DSCAML1: variants seen among roughly 807,000 people sequenced by gnomAD.
The protein encoded by DSCAML1 is cell adhesion molecule DSCAML1.
In DSCAML1, 38 loss-of-function variants were observed where a neutral mutation model predicts 200.5. The observed-to-expected ratio is 0.19, with a 90% confidence interval of 0.15 to 0.25. DSCAML1 has a LOEUF of 0.25. DSCAML1 is among the 10% of genes least tolerant of loss of function. The pLI is 1.00. For missense variants in DSCAML1, 2,223 were observed against 2,858.8 expected, an observed-to-expected ratio of 0.78 and a Z score of 5.07; for synonymous variants, 1,215 against 1,165.0, an observed-to-expected ratio of 1.04 and a Z score of -0.87.
At chr11:117,796,754 C>T (rs1306247709) in intron 1 of DSCAML1, among the ~76,000 whole-genome samples, 1 of 152,214 alleles carries the variant, frequency 6.6e-6, no homozygotes, top group African/African-American at 2.4e-5. Context: ...GGCAGAACTG[C>T]CGCCGTGCAG....
chr11:117,644,371 CT>C (rs1694322198), intron 3 of DSCAML1, among the ~76,000 whole-genome samples: 1 of 152,278 alleles, frequency 6.6e-6, no homozygotes, highest in Non-Finnish European at 1.5e-5. Context: ...GCTGTGCTCA[CT>C]TTTCCTGAGA....
At chr11:117,579,049 G>C (rs1242856473) in intron 3 of DSCAML1, among the ~76,000 whole-genome samples, 1 of 152,144 alleles carries the variant, frequency 6.6e-6, no homozygotes, top group African/African-American at 2.4e-5. Flanking sequence ...TTATCAGCAA[G>C]TCTTGTTGGC....
At chr11:117,751,045 G>C (rs1565262543) in intron 3 of DSCAML1, among the ~76,000 whole-genome samples, 1 of 152,114 alleles carries the variant, frequency 6.6e-6, no homozygotes, top group African/African-American at 2.4e-5. Context: ...GTTTCCATTG[G>C]GGGGCAGCCA....
intron 3 of DSCAML1, among the ~76,000 whole-genome samples, chr11:117,559,906 T>G (rs1279125704): frequency 4.0e-5 from 6 of 149,820 alleles, no homozygotes; most frequent in Non-Finnish European, 7.4e-5. Context: ...GGGCCTAGAG[T>G]TGGGGGGAGG....
intron 11 of DSCAML1, among the ~76,000 whole-genome samples, chr11:117,497,715 G>A (rs766175741): frequency 2.6e-5 from 4 of 152,254 alleles, no homozygotes; most frequent in Non-Finnish European, 4.4e-5. Flanking sequence ...GGGCCAGGGT[G>A]GGGCCCTTTC....
At chr11:117,802,676 A>C (rs1463656398) in intron 1 of DSCAML1, among the ~76,000 whole-genome samples, 3 of 152,104 alleles carry the variant, frequency 2.0e-5, no homozygotes, top group Non-Finnish European at 4.4e-5. Flanking sequence ...CCTAAAACCA[A>C]AGAAGTCTCA....
chr11:117,810,402 C>T (rs968830379), intron 1 of DSCAML1, among the ~76,000 whole-genome samples: 1 of 152,104 alleles, frequency 6.6e-6, no homozygotes, highest in Admixed American at 6.5e-5. Context: ...GTGTCCCAAT[C>T]CCTTATTTCC....
chr11:117,721,591 G>A (rs532056348), intron 3 of DSCAML1, among the ~76,000 whole-genome samples: 19 of 149,738 alleles, frequency 1.3e-4, no homozygotes, highest in South Asian at 8.4e-4. Flanking sequence ...TTTAAAACTC[G>A]TCATGTTCCT....
Position 117,514,561 on chromosome 11 carries a change from C to CTTTTCT in DSCAML1, c.1783+1900_1783+1905dup, listed in dbSNP as rs1565755586. Among the ~76,000 whole-genome samples the CTTTTCT allele has an allele frequency of 1.2e-4, 14 of 118,586 alleles. 1 individual carries two copies. In the East Asian group the frequency reaches 2.2e-3, roughly 19 times the overall value. The allele number at this position is 118,586 out of a possible 152,430, so 77.8% of individuals were successfully genotyped here. A position where few individuals can be genotyped will look rare whatever the true frequency, so the allele number is the denominator to read the frequency against. On this transcript the variant is annotated intron_variant, in intron 8 of 32. Coordinates refer to ENST00000651296, the MANE Select transcript of DSCAML1 (RefSeq NM_020693.4). ...CCAGATGGCAATTTACTTAACTTTTCTTTTCTTTTTCTTTTTTTTTTTTTT... is the reference window on the plus strand; with the variant it reads ...CCAGATGGCAATTTACTTAACTTTTCTTTTCTTTTTCTTTTTCTTTTTTTTTTTTTT...
chr11:117,665,479 G>A (rs1039107091), intron 3 of DSCAML1, among the ~76,000 whole-genome samples: 5 of 152,236 alleles, frequency 3.3e-5, no homozygotes, highest in African/African-American at 7.2e-5. Flanking sequence ...GAGTGGCTCC[G>A]GGTTTTTGGA....
At chr11:117,588,919 G>A (rs1239925145) in intron 3 of DSCAML1, among the ~76,000 whole-genome samples, 11 of 152,108 alleles carry the variant, frequency 7.2e-5, no homozygotes, top group East Asian at 5.8e-4. Context: ...CTGATTCAGC[G>A]CCTGAGACCA....
chr11:117,518,620 G>C lies in DSCAML1; in HGVS notation c.1356C>G (p.Gly452=). The part of the protein sequence containing the change: ...ALDDEPIVRD[G]SHRTNQYTMS... The stretch of plus-strand genomic sequence containing the variant: ...TGGTGTACTGGTTGGTGCGGTGGCT[G>C]CCATCCCGCACGATGGGCTCATCGT... The change falls in exon 7 of 33, where the codon GGC becomes GGG. Residue 452 remains glycine (G), a synonymous_variant. Coordinates refer to ENST00000651296, the MANE Select transcript of DSCAML1 (RefSeq NM_020693.4). This position sits in a 1 kb window ranked among gnomAD's most constrained non-coding sequence, Gnocchi z 6.3. 1 of 1,613,588 alleles carries C rather than the reference G, an allele frequency of 6.2e-7. No homozygotes were observed. The highest frequency in any genetic ancestry group is 8.5e-7 in the Non-Finnish European group (1 of 1,179,912).
intron 8 of DSCAML1, among the ~76,000 whole-genome samples, chr11:117,509,992 T>C (rs1240564591): frequency 6.6e-6 from 1 of 152,182 alleles, no homozygotes; most frequent in African/African-American, 2.4e-5. Flanking sequence ...CTGGCCACAG[T>C]CATCTTTAGC....
intron 3 of DSCAML1, among the ~76,000 whole-genome samples, chr11:117,621,910 G>A (rs1055900283): frequency 3.9e-5 from 6 of 152,330 alleles, no homozygotes; most frequent in Admixed American, 1.3e-4. Flanking sequence ...GGATTGTCAA[G>A]AGGTTACCAT....
At chr11:117,538,189 C>T (rs1388422172) in intron 3 of DSCAML1, among the ~76,000 whole-genome samples, 1 of 152,122 alleles carries the variant, frequency 6.6e-6, no homozygotes, top group Non-Finnish European at 1.5e-5. Context: ...GGGCAGAGAA[C>T]CCCTGGATGA....
intron 3 of DSCAML1, among the ~76,000 whole-genome samples, chr11:117,586,783 T>C (rs1314595288): frequency 1.3e-5 from 2 of 152,196 alleles, no homozygotes; most frequent in Non-Finnish European, 1.5e-5. Flanking sequence ...TCTGGGGACA[T>C]TGCCTGAGGC....
chr11:117,605,846 G>T (rs768808896), intron 3 of DSCAML1, among the ~76,000 whole-genome samples: 1 of 152,090 alleles, frequency 6.6e-6, no homozygotes, highest in Non-Finnish European at 1.5e-5. Context: ...TGGGGGTGTG[G>T]GTGGGCAGAG....
At chr11:117,608,067 C>T (rs1367102720) in intron 3 of DSCAML1, among the ~76,000 whole-genome samples, 3 of 152,164 alleles carry the variant, frequency 2.0e-5, no homozygotes, top group Admixed American at 1.3e-4. Flanking sequence ...AAATTCTGAC[C>T]CATGACATGT....
intron 3 of DSCAML1, among the ~76,000 whole-genome samples, chr11:117,570,231 C>T (rs1220874512): frequency 6.6e-6 from 1 of 152,074 alleles, no homozygotes; most frequent in East Asian, 1.9e-4. Context: ...CGGGGTATCT[C>T]ATGCCAAGGA....
Sources: allele counts gnomAD v4.1 joint callset (sites outside exome capture counted in the v4.1 genomes callset), GRCh38; gene constraint gnomAD v4.1.1; non-coding constraint Gnocchi (gnomAD v3.1); transcripts MANE v1.5; gene names NCBI Gene and HGNC (gene_info 2026-07-23, HGNC 2026-07-21).